The following AGPAT5 variants were observed in gnomAD, a reference collection of about 807,000 sequenced individuals.
The protein encoded by AGPAT5 is 1-acylglycerol-3-phosphate O-acyltransferase 5.
In AGPAT5, 46 loss-of-function variants were observed where a neutral mutation model predicts 45.6. The ratio of observed to expected loss-of-function variants is 1.01; its 90% CI spans 0.80 to 1.29. AGPAT5 has a LOEUF of 1.29. Ranked by LOEUF, AGPAT5 falls within the 50% of genes most tolerant of loss-of-function variation. The pLI is 0.00. For synonymous variants in AGPAT5, 272 were observed against 167.0 expected, an observed-to-expected ratio of 1.63 and a Z score of -4.85; for missense variants, 673 against 450.7, an observed-to-expected ratio of 1.49 and a Z score of -4.47.
In AGPAT5 at chr8:6,729,345, CTT is replaced by C. The variant is rs57365087; in HGVS notation, c.290-1353_290-1352del. On this transcript the variant is annotated intron_variant, in intron 2 of 7. Coordinates refer to ENST00000285518, the MANE Select transcript of AGPAT5 (RefSeq NM_018361.5). ...ATCCTCAGCTTTTATTTTCTACAGA[CTT>C]TTTTTTTTTTTTAACATTTCCTTCC... 9.1e-4 allele frequency among the ~76,000 whole-genome samples: 130 copies of C among 143,198 alleles called. 4 individuals are homozygous for C. Among genetic ancestry groups the C allele is most frequent in the Non-Finnish European group, 6.9e-4 (46 of 66,220 alleles). The allele number at this position is 143,198 out of a possible 152,430, so 93.9% of individuals were successfully genotyped here.
intron 4 of AGPAT5, 88 bp downstream of exon 4, chr8:6,732,738 A>ATG (rs1482845384): frequency 6.0e-5 from 71 of 1,187,842 alleles, no homozygotes; most frequent in Non-Finnish European, 8.0e-5. Context: ...TGTTTTGACA[A>ATG]TGTATTTTCC....
At chr8:6,750,883 AT>A (rs1563306514) in intron 6 of AGPAT5, among the ~76,000 whole-genome samples, 2 of 152,222 alleles carry the variant, frequency 1.3e-5, no homozygotes, top group Admixed American at 6.5e-5. Context: ...TGTCTCTCAG[AT>A]GTACAAATGC....
intron 4 of AGPAT5, among the ~76,000 whole-genome samples, chr8:6,741,444 G>A (rs1801242227): frequency 6.6e-6 from 1 of 152,190 alleles, no homozygotes; most frequent in South Asian, 2.1e-4. Context: ...ACCAATGAAT[G>A]TAGCACTGCA....
At chr8:6,713,507 A>T (rs550857964) in intron 1 of AGPAT5, among the ~76,000 whole-genome samples, 34 of 152,356 alleles carry the variant, frequency 2.2e-4, no homozygotes, top group African/African-American at 8.2e-4. Flanking sequence ...AAGATAAAGA[A>T]TTTAAGATTT....
chr8:6,708,957 C>G lies in AGPAT5; in HGVS notation c.219+70C>G, dbSNP rs764443317. ...CCGGGGGCGCGGACCTCTCCGCTCC[C>G]CCACAGCTGGCGAGGGTCACCCGGC... On this transcript the variant is annotated intron_variant, in intron 1 of 7. Transcript: ENST00000285518. The G allele has an allele frequency of 1.0e-5, 15 of 1,461,854 alleles. No individual in the cohort carries two copies. The African/African-American group carries it at 1.7e-4, about 16-fold the overall frequency. The allele number at this position is 1,461,854 out of a possible 1,614,324, so 90.6% of individuals were successfully genotyped here.
chr8:6,754,974 C>T (rs1801783866), intron 6 of AGPAT5, 77 bp from the exon 7 acceptor site: 23 of 1,217,462 alleles, frequency 1.9e-5, no homozygotes, highest in Middle Eastern at 2.5e-4. Context: ...GTCCTGTTAC[C>T]TTATTTTCAT....
At chr8:6,730,624 C>G in intron 2 of AGPAT5, 87 bp from the exon 3 acceptor site, 1 of 104,354 alleles carries the variant, frequency 9.6e-6, no homozygotes, top group South Asian at 9.1e-5. Flanking sequence ...GCCACCGCGC[C>G]CGGCCATCAT....
chr8:6,726,233 C>T (rs188948724), intron 2 of AGPAT5, among the ~76,000 whole-genome samples: 1 of 152,322 alleles, frequency 6.6e-6, no homozygotes, highest in African/African-American at 2.4e-5. Context: ...TTTTCCTGTC[C>T]TGCTGCTGAT....
intron 1 of AGPAT5, among the ~76,000 whole-genome samples, chr8:6,723,605 A>C (rs1800581743): frequency 6.6e-6 from 1 of 152,240 alleles, no homozygotes; most frequent in African/African-American, 2.4e-5. Context: ...TTTACTCACA[A>C]GCCACGATGT....
Position 6,757,281 on chromosome 8 carries a change from G to T in AGPAT5, c.988G>T (p.Gly330Cys). 1 of 1,614,178 alleles carries T rather than the reference G, an allele frequency of 6.2e-7. No individual in the cohort carries two copies. The highest frequency in any genetic ancestry group is 8.5e-7 in the Non-Finnish European group (1 of 1,180,026). The part of the protein sequence containing the change: ...KTLPSMLILS[G>C]LTAGMLMTDA... Reference sequence around the variant, plus strand: ...TTTACCATCAATGTTGATCTTAAGTGGTTTGACTGCAGGCATGCTTATGAC... The same window carrying T: ...TTTACCATCAATGTTGATCTTAAGTTGTTTGACTGCAGGCATGCTTATGAC... Residue 330 changes from glycine (G) to cysteine (C), a missense_variant, in exon 8 of 8, where the codon GGT becomes TGT. Transcript: ENST00000285518.
At chr8:6,730,401 T>C (rs71505132) in intron 2 of AGPAT5, among the ~76,000 whole-genome samples, 33,077 of 33,080 alleles carry the variant, frequency 1, 16,537 homozygotes, top group Middle Eastern at 1. Context: ...GCAATCTCGG[T>C]TCACTGCAGG....
rs769558727 is a variant in AGPAT5, at chr8:6,755,125, C to G, written c.820C>G (p.Gln274Glu). 6.2e-7 allele frequency: 1 copy of G among 1,608,942 alleles called. No individual in the cohort carries two copies. The highest frequency in any genetic ancestry group is 8.5e-7 in the Non-Finnish European group (1 of 1,178,976). Residue 274 changes from glutamine (Q) to glutamate (E), a missense_variant, in exon 7 of 8, where the codon CAA (glutamine) becomes GAA (glutamate). Transcript: ENST00000285518. ...RIDKKDVPEE[Q>E]EHMRRWLHER... ...CGACAAAAAAGATGTCCCAGAAGAA[C>G]AAGAACATATGAGAAGATGGCTGCA...
Sources: gnomAD v4.1 joint callset for allele counts (sites outside exome capture counted in the v4.1 genomes callset) on GRCh38, gnomAD v4.1.1 for gene constraint, MANE v1.5 for transcripts, NCBI Gene and HGNC (gene_info 2026-07-23, HGNC 2026-07-21) for gene names.